HCRTR2: variants seen among roughly 807,000 people sequenced by gnomAD.
HCRTR2 encodes the protein hypocretin receptor 2.
In HCRTR2, 22 loss-of-function variants were observed where a neutral mutation model predicts 49.0. The observed-to-expected ratio is 0.45, with a 90% CI of 0.32 to 0.64. The LOEUF (loss-of-function observed/expected upper bound fraction) is 0.64, where lower values mean the gene tolerates loss of function less well. Ranked by LOEUF, HCRTR2 falls within the 30% of genes least tolerant of loss-of-function variation. HCRTR2 has a pLI of 0.04. For synonymous variants in HCRTR2, 236 were observed against 205.3 expected, an observed-to-expected ratio of 1.15 and a Z score of -1.28; for missense variants, 491 against 559.4, an observed-to-expected ratio of 0.88 and a Z score of 1.23.
intron 1 of HCRTR2, among the ~76,000 whole-genome samples, chr6:55,167,354 T>A (rs1319159031): frequency 6.6e-6 from 1 of 152,156 alleles, no homozygotes; most frequent in African/African-American, 2.4e-5. Flanking sequence ...ATGGAGTTCA[T>A]TGTATGTATA....
chr6:55,154,421 A>C (rs555839449), intron 1 of HCRTR2, among the ~76,000 whole-genome samples: 1 of 151,974 alleles, frequency 6.6e-6, no homozygotes, highest in Non-Finnish European at 1.5e-5. Context: ...AAAAGATCAT[A>C]TAGCATGACC....
chr6:55,172,508 T>C (rs1386973318), upstream of HCRTR2, among the ~76,000 whole-genome samples: 1 of 152,170 alleles, frequency 6.6e-6, no homozygotes, highest in African/African-American at 2.4e-5. Context: ...AAATGCCCAT[T>C]GATGCCCTTC....
At chr6:55,154,376 T>A (rs1459038202) in intron 1 of HCRTR2, among the ~76,000 whole-genome samples, 1 of 151,772 alleles carries the variant, frequency 6.6e-6, no homozygotes, top group Admixed American at 6.6e-5. Context: ...AAATCCTCAG[T>A]AAAATCCTAG....
At chr6:55,263,486 T>C (rs932186579) in intron 3 of HCRTR2, among the ~76,000 whole-genome samples, 3 of 152,132 alleles carry the variant, frequency 2.0e-5, no homozygotes, top group African/African-American at 7.2e-5. Context: ...CTGAGTACAT[T>C]AAGTGAAATT....
intron 4 of HCRTR2, among the ~76,000 whole-genome samples, chr6:55,269,820 A>G (rs1036707539): frequency 1.5e-4 from 23 of 152,130 alleles, no homozygotes; most frequent in African/African-American, 5.5e-4. Flanking sequence ...TGAGCCAGGC[A>G]TGGTGGTGCA....
intron 1 of HCRTR2, among the ~76,000 whole-genome samples, chr6:55,200,748 A>T (rs1318233964): frequency 9.2e-5 from 14 of 152,198 alleles, no homozygotes; most frequent in Non-Finnish European, 2.1e-4. Context: ...GCAATTACAG[A>T]ATCAATATAT....
intron 3 of HCRTR2, among the ~76,000 whole-genome samples, chr6:55,257,428 A>C (rs1396718842): frequency 6.6e-6 from 1 of 152,100 alleles, no homozygotes; most frequent in Non-Finnish European, 1.5e-5. Context: ...ATAAAATATA[A>C]AAATATTTTT....
intron 1 of HCRTR2, among the ~76,000 whole-genome samples, chr6:55,165,360 C>T (rs9396054): frequency 0.47 from 71,837 of 151,726 alleles, 18,055 homozygotes; most frequent in East Asian, 0.81. Context: ...CATTTAATAA[C>T]TGAACTCTCA....
intron 1 of HCRTR2, among the ~76,000 whole-genome samples, chr6:55,109,211 A>G (rs56776090): frequency 0.38 from 57,125 of 152,062 alleles, 11,117 homozygotes; most frequent in Middle Eastern, 0.44. Flanking sequence ...CACATCAAAT[A>G]AACACATATT....
intron 1 of HCRTR2, among the ~76,000 whole-genome samples, chr6:55,134,320 A>C (rs970957457): frequency 2.6e-5 from 4 of 151,872 alleles, no homozygotes; most frequent in Non-Finnish European, 4.4e-5. Context: ...TATATTTGTC[A>C]TTATTTATTT....
chr6:55,178,273 T>C (rs917118347), intron 1 of HCRTR2, among the ~76,000 whole-genome samples: 7 of 152,074 alleles, frequency 4.6e-5, no homozygotes, highest in African/African-American at 1.4e-4. Context: ...TTCAAAGATA[T>C]CATATGTTTC....
chr6:55,196,387 T>A (rs925799992), intron 1 of HCRTR2, among the ~76,000 whole-genome samples: 1 of 152,148 alleles, frequency 6.6e-6, no homozygotes, highest in Non-Finnish European at 1.5e-5. Flanking sequence ...ATATCACCTG[T>A]GGGAGATAAA....
chr6:55,131,093 G>A (rs1255233680), intron 1 of HCRTR2, among the ~76,000 whole-genome samples: 3 of 151,752 alleles, frequency 2.0e-5, no homozygotes, highest in Non-Finnish European at 4.4e-5. Context: ...AATCAACAAG[G>A]CTTAAGGGAT....
intron 1 of HCRTR2, among the ~76,000 whole-genome samples, chr6:55,195,316 T>C (rs1475369175): frequency 1.3e-5 from 2 of 152,166 alleles, no homozygotes; most frequent in Non-Finnish European, 2.9e-5. Context: ...AGTTTTAAAA[T>C]GTATTTAGAT....
intron 1 of HCRTR2, among the ~76,000 whole-genome samples, chr6:55,153,160 T>C (rs557041227): frequency 4.8e-4 from 73 of 152,182 alleles, no homozygotes; most frequent in Non-Finnish European, 9.4e-4. Flanking sequence ...AAAGAACAGT[T>C]GTCTGTAAAT....
intron 1 of HCRTR2, among the ~76,000 whole-genome samples, chr6:55,164,792 G>T (rs1024448747): frequency 1.3e-5 from 2 of 151,706 alleles, no homozygotes; most frequent in African/African-American, 4.8e-5. Context: ...GACCATTTAT[G>T]AAAACATGAC....
intron 1 of HCRTR2, among the ~76,000 whole-genome samples, chr6:55,245,510 C>T (rs1766426174): frequency 1.0e-5 from 1 of 98,552 alleles, no homozygotes. Context: ...TATATATCTT[C>T]CCCAAAAGTG....
chr6:55,272,594 A>G (rs1167496130), intron 4 of HCRTR2, among the ~76,000 whole-genome samples: 1 of 143,014 alleles, frequency 7.0e-6, no homozygotes, highest in Non-Finnish European at 1.5e-5. Flanking sequence ...TAAAAATTGA[A>G]GACTTTTTTT....
chr6:55,113,588 C>A (rs10456179), intron 1 of HCRTR2, among the ~76,000 whole-genome samples: 5 of 151,304 alleles, frequency 3.3e-5, no homozygotes, highest in African/African-American at 1.2e-4. Context: ...TGATACCACC[C>A]TACTCCTGCA....
Sources: gnomAD v4.1 joint callset for allele counts (sites outside exome capture counted in the v4.1 genomes callset) on GRCh38, gnomAD v4.1.1 for gene constraint, MANE v1.5 for transcripts, NCBI Gene and HGNC (gene_info 2026-07-23, HGNC 2026-07-21) for gene names.